Variants in TXLNB observed in about 807,000 individuals in gnomAD.
TXLNB encodes the protein taxilin beta.
Under a neutral mutation model 57.4 loss-of-function variants are expected in TXLNB, and 37 were observed. The ratio of observed to expected loss-of-function variants is 0.64; its 90% CI spans 0.50 to 0.85. The LOEUF (loss-of-function observed/expected upper bound fraction) is 0.85, where lower values mean the gene tolerates loss of function less well. Among genes scored for constraint, TXLNB ranks in the 40% least tolerant of loss-of-function variants. The probability of loss-of-function intolerance (pLI) is 0.00; values close to 1 mark genes in which losing one functional copy is unlikely to be tolerated. For missense variants in TXLNB, 848 were observed against 825.6 expected, an observed-to-expected ratio of 1.03 and a Z score of -0.33; for synonymous variants, 302 against 309.6, an observed-to-expected ratio of 0.98 and a Z score of 0.26.
chr6:139,225,449 T>C, the TXLNB span, among the ~76,000 whole-genome samples: 1 of 152,188 alleles, frequency 6.6e-6, no homozygotes, highest in Admixed American at 6.5e-5. Context: ...AAATAGCCTA[T>C]TGTAATTAAC....
chr6:139,195,404 C>T, the TXLNB span, among the ~76,000 whole-genome samples: 3 of 152,236 alleles, frequency 2.0e-5, 1 homozygote, highest in African/African-American at 7.2e-5. Context: ...CTCAAATTTA[C>T]CCTGGTGTGC....
rs747734076 is a variant in TXLNB at position 139,242,984 on chromosome 6, T to C, written c.1597A>G (p.Ser533Gly). 18 of 1,614,122 alleles carry C rather than the reference T, an allele frequency of 1.1e-5. No homozygotes were observed. Among genetic ancestry groups the C allele is most frequent in the Non-Finnish European group, 1.5e-5 (18 of 1,180,028 alleles). The change falls in exon 10 of 10, where the codon AGT (serine) becomes GGT (glycine). Residue 533 changes from serine (S) to glycine (G), a missense_variant. Transcript: ENST00000358430. Reference protein sequence around the residue: ...TQPEIGSSQESADAALKEPEQ... With the variant: ...TQPEIGSSQEGADAALKEPEQ... The stretch of plus-strand genomic sequence containing the variant: ...GGCTCCTTGAGAGCGGCGTCAGCAC[T>C]CTCCTGAGAACTGCCTATTTCGGGT...
At chr6:139,204,259 T>A in the TXLNB span, among the ~76,000 whole-genome samples, 35 of 152,184 alleles carry the variant, frequency 2.3e-4, no homozygotes, top group Non-Finnish European at 3.7e-4. Flanking sequence ...GGTTTCACCA[T>A]GTTGGCCAGG....
chr6:139,203,449 G>A, the TXLNB span: 2 of 152,166 alleles, frequency 1.3e-5, no homozygotes, highest in Non-Finnish European at 1.5e-5. Flanking sequence ...AATACAATAA[G>A]TGCTTTTCAT....
At chr6:139,278,860 T>C (rs897674855) in intron 2 of TXLNB, among the ~76,000 whole-genome samples, 1 of 152,068 alleles carries the variant, frequency 6.6e-6, no homozygotes, top group Non-Finnish European at 1.5e-5. Flanking sequence ...AAAACTTAGC[T>C]AGGCTTGGTG....
the TXLNB span, among the ~76,000 whole-genome samples, chr6:139,208,053 A>T: frequency 5.3e-5 from 8 of 152,142 alleles, no homozygotes; most frequent in East Asian, 1.5e-3. Context: ...TCCAGCCTGG[A>T]TGACAGAGTG....
chr6:139,202,935 T>G, the TXLNB span, among the ~76,000 whole-genome samples: 1 of 152,234 alleles, frequency 6.6e-6, no homozygotes. Flanking sequence ...CTCCCACATA[T>G]GAGTGAGAAC....
chr6:139,319,571 G>T, the TXLNB span, among the ~76,000 whole-genome samples: 3 of 151,876 alleles, frequency 2.0e-5, no homozygotes, highest in Non-Finnish European at 4.4e-5. Context: ...AGACCATCCT[G>T]GGCAACATAG....
chr6:139,200,442 T>C, the TXLNB span, among the ~76,000 whole-genome samples: 84,805 of 152,054 alleles, frequency 0.56, 24,640 homozygotes, highest in Non-Finnish European at 0.59. Flanking sequence ...AGGACCTCCA[T>C]GTTTAGCGAG....
At chr6:139,160,536 C>T in the TXLNB span, among the ~76,000 whole-genome samples, 1 of 152,194 alleles carries the variant, frequency 6.6e-6, no homozygotes, top group South Asian at 2.1e-4. Flanking sequence ...ACCTCAGCCT[C>T]CTGAGTAGCT....
In TXLNB at chr6:139,288,830, A is replaced by G; in HGVS notation, c.70T>C (p.Leu24=). ...TTCTCCAGGCCATTGTGACTGGGTAATGATGAACTGTCACCTGGAGGTGTT... is the reference window on the plus strand; with the variant it reads ...TTCTCCAGGCCATTGTGACTGGGTAGTGATGAACTGTCACCTGGAGGTGTT... ...QSTPPGDSSS[L]PSHNGLEKED... Residue 24 remains leucine (L), a synonymous_variant, in exon 2 of 10, where the codon TTA becomes CTA. Transcript: ENST00000358430. 1 of 1,614,180 alleles carries G rather than the reference A, an allele frequency of 6.2e-7. No homozygotes were observed. The highest frequency in any genetic ancestry group is 1.7e-5 in the Admixed American group (1 of 60,010).
chr6:139,249,659 A>G (rs1215809514), intron 7 of TXLNB, among the ~76,000 whole-genome samples: 1 of 152,214 alleles, frequency 6.6e-6, no homozygotes, highest in Non-Finnish European at 1.5e-5. Context: ...AACAACCCCT[A>G]GAGCCCAGAA....
intron 4 of TXLNB, among the ~76,000 whole-genome samples, chr6:139,267,874 C>T (rs889685208): frequency 5.9e-5 from 9 of 152,072 alleles, no homozygotes; most frequent in Non-Finnish European, 8.8e-5. Context: ...TATTACTGGT[C>T]GGGCGTGGTG....
At chr6:139,206,247 C>T in the TXLNB span, among the ~76,000 whole-genome samples, 1 of 152,118 alleles carries the variant, frequency 6.6e-6, no homozygotes, top group South Asian at 2.1e-4. Flanking sequence ...TCTCACAGGG[C>T]CTATAAAATA....
At chr6:139,278,884 G>A (rs142727544) in intron 2 of TXLNB, among the ~76,000 whole-genome samples, 3,919 of 152,218 alleles carry the variant, frequency 0.026, 80 homozygotes, top group Non-Finnish European at 0.04. Context: ...CATGCCTGTA[G>A]TCCCAGCTAC....
chr6:139,171,584 A>G, the TXLNB span, among the ~76,000 whole-genome samples: 1 of 152,222 alleles, frequency 6.6e-6, no homozygotes, highest in Non-Finnish European at 1.5e-5. Flanking sequence ...TCATGTCTTC[A>G]ATCACCAATT....
At chr6:139,263,703 G>T (rs1437201530) in intron 4 of TXLNB, among the ~76,000 whole-genome samples, 1 of 151,700 alleles carries the variant, frequency 6.6e-6, no homozygotes, top group African/African-American at 2.4e-5. Context: ...GAATAAAAGG[G>T]TTTAATTTTG....
At chr6:139,219,084 G>C in the TXLNB span, among the ~76,000 whole-genome samples, 1 of 152,154 alleles carries the variant, frequency 6.6e-6, no homozygotes, top group African/African-American at 2.4e-5. Context: ...CTCACTAATT[G>C]TATTCAATGT....
chr6:139,239,646 C>T (rs1775877974), downstream of TXLNB: 1 of 152,238 alleles, frequency 6.6e-6, no homozygotes, highest in African/African-American at 2.4e-5. The surrounding 1 kb of genome is among the most constrained non-coding windows in gnomAD (Gnocchi z 4.7). Flanking sequence ...GCATGTGCCA[C>T]TATGTCTGGC....
Sources: allele counts gnomAD v4.1 joint callset (sites outside exome capture counted in the v4.1 genomes callset), GRCh38; gene constraint gnomAD v4.1.1; non-coding constraint Gnocchi (gnomAD v3.1); transcripts MANE v1.5; gene names NCBI Gene and HGNC (gene_info 2026-07-23, HGNC 2026-07-21).